The following SLC2A13 variants were observed in gnomAD, a reference collection of about 807,000 sequenced individuals.
SLC2A13 encodes proton myo-inositol cotransporter.
SLC2A13 carries 32 observed loss-of-function variants against 64.4 expected under a neutral mutation model. The observed-to-expected ratio is 0.50, with a 90% confidence interval of 0.37 to 0.67. The LOEUF is 0.67. Among genes scored for constraint, SLC2A13 ranks in the 30% least tolerant of loss-of-function variants. The pLI is 0.00. For missense variants in SLC2A13, 743 were observed against 829.2 expected (o/e 0.90, Z 1.28); for synonymous variants, 338 against 327.1 (o/e 1.03, Z -0.36).
chr12:39,900,423 G>A (rs1317116004), intron 4 of SLC2A13, among the ~76,000 whole-genome samples: 3 of 152,028 alleles, frequency 2.0e-5, no homozygotes, highest in South Asian at 2.1e-4. Flanking sequence ...TGACATGATC[G>A]TATATCTAGA....
Position 39,877,388 on chromosome 12 carries a change from A to C in SLC2A13, c.1035-5427T>G, listed in dbSNP as rs190335396. Among the ~76,000 whole-genome samples, 11 of 152,148 alleles carry C rather than the reference A, an allele frequency of 7.2e-5. No individual in the cohort carries two copies. In the East Asian group the frequency reaches 1.4e-3, roughly 19 times the overall value. On this transcript the variant is annotated intron_variant, in intron 4 of 9. Coordinates refer to ENST00000280871, the MANE Select transcript of SLC2A13 (RefSeq NM_052885.4). Reference sequence around the variant, plus strand: ...GACTTACTCCTTATCACAAGAACAGAATTGGAACCCCCCCTCCATGATTCA... The same window carrying C: ...GACTTACTCCTTATCACAAGAACAGCATTGGAACCCCCCCTCCATGATTCA...
chr12:39,811,378 C>T (rs927305206), intron 7 of SLC2A13, among the ~76,000 whole-genome samples: 1 of 151,832 alleles, frequency 6.6e-6, no homozygotes, highest in Non-Finnish European at 1.5e-5. Context: ...CATTTTTTAG[C>T]TTCATAATTG....
intron 7 of SLC2A13, among the ~76,000 whole-genome samples, chr12:39,780,309 A>T (rs1054199470): frequency 6.6e-6 from 1 of 152,172 alleles, no homozygotes; most frequent in Non-Finnish European, 1.5e-5. Flanking sequence ...TCATCTTACC[A>T]GTTCAGATAT....
chr12:40,002,318 A>C (rs1266815589), intron 3 of SLC2A13, among the ~76,000 whole-genome samples: 1 of 152,140 alleles, frequency 6.6e-6, no homozygotes, highest in Non-Finnish European at 1.5e-5. Flanking sequence ...TGTATCCAAC[A>C]ACAACATTTA....
At chr12:39,923,816 C>T (rs1220229005) in intron 4 of SLC2A13, among the ~76,000 whole-genome samples, 1 of 151,880 alleles carries the variant, frequency 6.6e-6, no homozygotes, top group Non-Finnish European at 1.5e-5. Flanking sequence ...CATCGCACCT[C>T]AACACCTATT....
intron 3 of SLC2A13, among the ~76,000 whole-genome samples, chr12:39,958,208 A>G (rs544276303): frequency 1.3e-5 from 2 of 152,194 alleles, no homozygotes; most frequent in Admixed American, 1.3e-4. Flanking sequence ...ACTTCTTTCC[A>G]CAAAACATTG....
chr12:39,958,428 A>G (rs564112973), intron 3 of SLC2A13, among the ~76,000 whole-genome samples: 1 of 152,300 alleles, frequency 6.6e-6, no homozygotes, highest in African/African-American at 2.4e-5. Context: ...TAAGAGTAGT[A>G]CTATCCATTT....
chr12:39,981,611 C>T (rs1267520698), intron 3 of SLC2A13, among the ~76,000 whole-genome samples: 2 of 151,486 alleles, frequency 1.3e-5, no homozygotes, highest in Non-Finnish European at 2.9e-5. Context: ...ATACACTCTC[C>T]CAAGACTAAA....
chr12:39,770,083 T>G (rs2135722263), intron 7 of SLC2A13, among the ~76,000 whole-genome samples: 1 of 152,196 alleles, frequency 6.6e-6, no homozygotes, highest in African/African-American at 2.4e-5. Flanking sequence ...CCTATATGTA[T>G]TCATTGCTTT....
intron 1 of SLC2A13, among the ~76,000 whole-genome samples, chr12:40,098,841 C>A (rs1327922094): frequency 6.6e-6 from 1 of 152,208 alleles, no homozygotes; most frequent in Admixed American, 6.5e-5. Context: ...TTAAGTACTA[C>A]GTCCAGGGTG....
intron 6 of SLC2A13, among the ~76,000 whole-genome samples, chr12:39,851,128 G>A (rs1943455583): frequency 6.6e-6 from 1 of 152,020 alleles, no homozygotes; most frequent in Non-Finnish European, 1.5e-5. Context: ...TCGAACTCCC[G>A]ACCTCAGATG....
At chr12:40,081,899 A>G (rs1938416438) in intron 1 of SLC2A13, among the ~76,000 whole-genome samples, 1 of 152,130 alleles carries the variant, frequency 6.6e-6, no homozygotes, top group Non-Finnish European at 1.5e-5. Context: ...ACAGTGGTAT[A>G]AGCTGGGTAT....
At chr12:39,899,437 G>T (rs1945023527) in intron 4 of SLC2A13, among the ~76,000 whole-genome samples, 1 of 152,008 alleles carries the variant, frequency 6.6e-6, no homozygotes, top group South Asian at 2.1e-4. Context: ...ACCAGCTCCT[G>T]GATTCATTAA....
At chr12:40,047,905 T>A in intron 2 of SLC2A13, 146 bp downstream of exon 2, 1 of 655,638 alleles carries the variant, frequency 1.5e-6, no homozygotes, top group Non-Finnish European at 2.4e-6. Context: ...TCCTGTCCAC[T>A]CTCAGTTTTG....
intron 7 of SLC2A13, among the ~76,000 whole-genome samples, chr12:39,828,918 A>G (rs924355075): frequency 2.0e-5 from 3 of 152,112 alleles, no homozygotes; most frequent in Non-Finnish European, 4.4e-5. Context: ...TAATTAGTAT[A>G]TTTAAAATGT....
chr12:39,862,696 T>C (rs1943794180), intron 6 of SLC2A13, among the ~76,000 whole-genome samples: 1 of 152,176 alleles, frequency 6.6e-6, no homozygotes, highest in African/African-American at 2.4e-5. Flanking sequence ...GGGAAATGTA[T>C]ATAGATGGTT....
chr12:39,798,456 CA>C (rs1436243750), intron 7 of SLC2A13, among the ~76,000 whole-genome samples: 1 of 152,188 alleles, frequency 6.6e-6, no homozygotes, highest in Non-Finnish European at 1.5e-5. Context: ...TAACTGAAAG[CA>C]AAAGGAGATA....
intron 1 of SLC2A13, among the ~76,000 whole-genome samples, chr12:40,057,019 C>T (rs184651778): frequency 2.6e-5 from 4 of 151,374 alleles, no homozygotes; most frequent in Non-Finnish European, 5.9e-5. Flanking sequence ...AAAGCAGAAA[C>T]GAAGAGCCAT....
rs143928408 is a variant in SLC2A13 at position 39,910,391 on chromosome 12, G to GT, written c.1035-38431dup. 4.3e-3 allele frequency among the ~76,000 whole-genome samples: 651 copies of GT among 152,006 alleles called. 20 individuals are homozygous for GT. In the East Asian group the frequency reaches 0.084, roughly 20 times the overall value. ...AGTTAATACTTGGAGAAAAGTCAAG[G>GT]TTTTTTTTGAGGATATAACCATTGT... On this transcript the variant is annotated intron_variant, in intron 4 of 9. Transcript: ENST00000280871.
Sources: allele counts gnomAD v4.1 joint callset (sites outside exome capture counted in the v4.1 genomes callset), GRCh38; gene constraint gnomAD v4.1.1; transcripts MANE v1.5; gene names NCBI Gene and HGNC (gene_info 2026-07-23, HGNC 2026-07-21).